Variants in IER3IP1 observed in about 807,000 individuals in gnomAD.
IER3IP1 encodes the protein immediate early response 3 interacting protein 1, also known as immediate early response 3-interacting protein 1.
Under a neutral mutation model 12.2 loss-of-function variants are expected in IER3IP1, and 16 were observed. The observed-to-expected ratio is 1.31, with a 90% CI of 0.89 to 1.99. The LOEUF is 1.99. Among genes scored for constraint, IER3IP1 ranks in the 30% most tolerant of loss-of-function variants. The pLI, the probability that IER3IP1 is intolerant of heterozygous loss-of-function variation, is 0.00. For missense variants in IER3IP1, 95 were observed against 95.8 expected, an observed-to-expected ratio of 0.99 and a Z score of 0.03; for synonymous variants, 42 against 40.0, an observed-to-expected ratio of 1.05 and a Z score of -0.19.
intron 2 of IER3IP1, chr18:47,156,744 A>G (rs1005138567): frequency 2.0e-5 from 3 of 152,040 alleles, no homozygotes; most frequent in Non-Finnish European, 2.9e-5. Context: ...ATATTTTCCA[A>G]TAGAATGACA....
chr18:47,165,917 TTG>T (rs2063994615), intron 1 of IER3IP1, among the ~76,000 whole-genome samples: 1 of 152,242 alleles, frequency 6.6e-6, no homozygotes, highest in Non-Finnish European at 1.5e-5. Flanking sequence ...CTATAGTATT[TTG>T]TTATGGCAGC....
intron 1 of IER3IP1, among the ~76,000 whole-genome samples, chr18:47,175,545 C>A (rs2064029676): frequency 6.6e-6 from 1 of 152,256 alleles, no homozygotes; most frequent in African/African-American, 2.4e-5. Flanking sequence ...CTCACTGCAA[C>A]CTCTGCCTCC....
chr18:47,156,134 A>G lies in IER3IP1; in HGVS notation c.*43T>C. ...AATAATGACCAAAGTAATAACTTCT[A>G]CTGGCATGTCCTCTTCTGAGTCTCC... On this transcript the variant is annotated 3_prime_UTR_variant, in exon 3 of 3. Transcript: ENST00000256433. 8.6e-7 allele frequency: 1 copy of G among 1,167,926 alleles called. No individual in the cohort carries two copies. Among genetic ancestry groups the G allele is most frequent in the Non-Finnish European group, 1.3e-6 (1 of 775,120 alleles). The allele number at this position is 1,167,926 out of a possible 1,614,324, so 72.3% of individuals were successfully genotyped here.
intron 2 of IER3IP1, chr18:47,156,837 T>C (rs774725170): frequency 7.0e-6 from 1 of 143,558 alleles, no homozygotes; most frequent in Non-Finnish European, 1.5e-5. Context: ...CTGTCTCCCA[T>C]GCTGGAGTGC....
intron 1 of IER3IP1, among the ~76,000 whole-genome samples, chr18:47,174,262 T>G (rs2064024238): frequency 2.0e-5 from 3 of 152,188 alleles, no homozygotes; most frequent in South Asian, 2.1e-4. Context: ...AGTTTTCCAC[T>G]GGAAAACAGA....
intron 1 of IER3IP1, among the ~76,000 whole-genome samples, chr18:47,158,989 G>C (rs2063970752): frequency 6.6e-6 from 1 of 151,516 alleles, no homozygotes; most frequent in Non-Finnish European, 1.5e-5. Context: ...AGAGGCAAAT[G>C]TGTCATTTGA....
intron 1 of IER3IP1, among the ~76,000 whole-genome samples, chr18:47,165,230 G>A (rs1267813346): frequency 1.3e-5 from 2 of 152,140 alleles, no homozygotes; most frequent in African/African-American, 2.4e-5. Context: ...CTCTGCTAAT[G>A]TAAGTTTTTA....
intron 2 of IER3IP1, among the ~76,000 whole-genome samples, chr18:47,156,673 C>G (rs2063960230): frequency 6.6e-6 from 1 of 151,766 alleles, no homozygotes; most frequent in Non-Finnish European, 1.5e-5. Context: ...AGAAGAGGTA[C>G]TAATTATAAT....
intron 1 of IER3IP1, among the ~76,000 whole-genome samples, chr18:47,167,455 T>A (rs2063999803): frequency 6.6e-6 from 1 of 152,220 alleles, no homozygotes; most frequent in Admixed American, 6.5e-5. Flanking sequence ...TGAATATAGA[T>A]CTAGAGTAGG....
In IER3IP1 at chr18:47,156,522, G is replaced by T. The variant is rs12326221; in HGVS notation, c.194-290C>A. Reference sequence around the variant, plus strand: ...GCAACCCCAAGAACATGAGTGCACTGGAGCCTGGCAGACGTAGACCCACAG... The same window carrying T: ...GCAACCCCAAGAACATGAGTGCACTTGAGCCTGGCAGACGTAGACCCACAG... On this transcript the variant is annotated intron_variant, in intron 2 of 2. Coordinates refer to ENST00000256433, the MANE Select transcript of IER3IP1 (RefSeq NM_016097.5). 0.052 allele frequency among the ~76,000 whole-genome samples: 7,982 copies of T among 152,134 alleles called. 257 individuals are homozygous for T. The highest frequency in any genetic ancestry group is 0.091 in the East Asian group (472 of 5,166).
rs1314781337 is a variant in IER3IP1, at chr18:47,155,133, A to G, written c.*1044T>C. On this transcript the variant is annotated 3_prime_UTR_variant, in exon 3 of 3. Coordinates refer to ENST00000256433, the MANE Select transcript of IER3IP1 (RefSeq NM_016097.5). ...TAAAATATTGTAACTGATAATTTCC[A>G]TAAAAACCATTTACATAGTTTCAAC... 2 of 152,238 alleles carry G rather than the reference A, an allele frequency of 1.3e-5. No individual in the cohort carries two copies. Among genetic ancestry groups the G allele is most frequent in the Admixed American group, 6.5e-5 (1 of 15,280 alleles). The allele number at this position is 152,238 out of a possible 1,614,324, so 9.4% of individuals were successfully genotyped here.
At chr18:47,159,623 AAAG>A (rs1405676695) in intron 1 of IER3IP1, among the ~76,000 whole-genome samples, 18 of 152,198 alleles carry the variant, frequency 1.2e-4, no homozygotes, top group African/African-American at 4.1e-4. Context: ...TGAAAAAGAA[AAAG>A]AAGAAAGCTG....
intron 1 of IER3IP1, among the ~76,000 whole-genome samples, chr18:47,160,939 C>G (rs1011587601): frequency 6.6e-6 from 1 of 152,156 alleles, no homozygotes; most frequent in Non-Finnish European, 1.5e-5. Flanking sequence ...TCCTATGATA[C>G]TACAAATCAT....
intron 1 of IER3IP1, among the ~76,000 whole-genome samples, chr18:47,169,323 T>C (rs2064007577): frequency 6.6e-6 from 1 of 152,230 alleles, no homozygotes; most frequent in African/African-American, 2.4e-5. Flanking sequence ...ATCTACAGTT[T>C]AGTCATCAGC....
At chr18:47,167,827 T>C (rs192007073) in intron 1 of IER3IP1, among the ~76,000 whole-genome samples, 33 of 152,224 alleles carry the variant, frequency 2.2e-4, no homozygotes, top group African/African-American at 7.9e-4. Flanking sequence ...TTGCAGGTGT[T>C]CTAAAACATA....
At chr18:47,163,774 T>G (rs550429173) in intron 1 of IER3IP1, among the ~76,000 whole-genome samples, 3 of 152,206 alleles carry the variant, frequency 2.0e-5, no homozygotes, top group Non-Finnish European at 4.4e-5. Context: ...AAAACAAAAT[T>G]TAAAAAGAAA....
At position 47,176,251 on chromosome 18, in the gene IER3IP1, CA is replaced by C. The variant is rs2064033448; in HGVS notation, c.26del (p.Leu9ArgfsTer44). On this transcript the variant is annotated frameshift_variant, in exon 1 of 3. Coordinates refer to ENST00000256433, the MANE Select transcript of IER3IP1 (RefSeq NM_016097.5). LOFTEE classifies it high-confidence loss of function. The part of the protein sequence containing the change: MAFTLYSL[L>X]QAALLCVNAI... The stretch of plus-strand genomic sequence containing the variant: ...CGTTGACGCAGAGCAGGGCTGCCTG[CA>C]GCAGTGAGTACAGGGTAAAGGCCAT... The C allele has an allele frequency of 6.2e-7, 1 of 1,609,448 alleles. No homozygotes were observed. The highest frequency in any genetic ancestry group is 8.5e-7 in the Non-Finnish European group (1 of 1,178,162).
Position 47,176,243 on chromosome 18 carries a change from G to A in IER3IP1, c.35C>T (p.Ala12Val). ...AFTLYSLLQA[A>V]LLCVNAIAVL... ...TGCGATGGCGTTGACGCAGAGCAGG[G>A]CTGCCTGCAGCAGTGAGTACAGGGT... Residue 12 changes from alanine to valine, a missense_variant, in exon 1 of 3, where the codon GCC (alanine) becomes GTC (valine). By Grantham distance (64) the Ala-to-Val change is moderately conservative. Transcript: ENST00000256433. 5.0e-6 allele frequency: 8 copies of A among 1,609,076 alleles called. No homozygotes were observed. The highest frequency in any genetic ancestry group is 6.8e-6 in the Non-Finnish European group (8 of 1,178,076).
At position 47,176,114 on chromosome 18, in the gene IER3IP1, C is replaced by T. The variant is rs959365333; in HGVS notation, c.91+73G>A. The T allele has an allele frequency of 1.2e-4, 147 of 1,236,174 alleles. 1 individual carries two copies. The East Asian group carries it at 2.2e-3, about 18-fold the overall frequency. The allele number at this position is 1,236,174 out of a possible 1,614,324, so 76.6% of individuals were successfully genotyped here. ...TGTCCCGGCCCTTGGTGTCCCCTCA[C>T]GCGGCCCCATTAGGTTACGCGCCCC... On this transcript the variant is annotated intron_variant, in intron 1 of 2. Coordinates refer to ENST00000256433, the MANE Select transcript of IER3IP1 (RefSeq NM_016097.5).
Sources: gnomAD v4.1 joint callset for allele counts (sites outside exome capture counted in the v4.1 genomes callset) on GRCh38, gnomAD v4.1.1 for gene constraint, MANE v1.5 for transcripts, NCBI Gene and HGNC (gene_info 2026-07-23, HGNC 2026-07-21) for gene names.